Variants in LGALS12 observed in about 807,000 individuals in gnomAD.
LGALS12 encodes galectin 12.
In LGALS12, 36 loss-of-function variants were observed where a neutral mutation model predicts 36.8. That is an observed-to-expected ratio of 0.98 (90% CI 0.75 to 1.29). The LOEUF is 1.29. LGALS12 is among the 50% of genes most tolerant of loss of function. LGALS12 has a pLI of 0.00. For synonymous variants in LGALS12, 145 were observed against 155.9 expected, an observed-to-expected ratio of 0.93 and a Z score of 0.52; for missense variants, 366 against 394.3, an observed-to-expected ratio of 0.93 and a Z score of 0.61.
chr11:63,509,026 T>A (rs970042703), intron 3 of LGALS12, 35 bp downstream of exon 3: 2 of 1,546,364 alleles, frequency 1.3e-6, no homozygotes, highest in Non-Finnish European at 1.8e-6. Context: ...TGGTCTAGAA[T>A]TTGTGTCCTT....
chr11:63,515,560 C>A lies in LGALS12; in HGVS notation c.648-3C>A, dbSNP rs373219807. ...TCCTTCTCCTTCCTCCTGCTTCCTG[C>A]AGTTTTACTGTGAGCCTGAGGGACC... On this transcript the variant is annotated splice_polypyrimidine_tract_variant and splice_region_variant and intron_variant, in intron 7 of 8. Transcript: ENST00000394618. The A allele has an allele frequency of 1.2e-6, 2 of 1,613,896 alleles. No individual in the cohort carries two copies. Among genetic ancestry groups the A allele is most frequent in the South Asian group, 2.2e-5 (2 of 91,060 alleles).
At chr11:63,508,308 GA>G in intron 1 of LGALS12, 1 of 1,367,844 alleles carries the variant, frequency 7.3e-7, no homozygotes, top group South Asian at 1.5e-5. Context: ...GGCTGGTGCT[GA>G]ATTTGGCAAG....
chr11:63,511,580 T>A (rs1157291075), intron 6 of LGALS12, among the ~76,000 whole-genome samples, 172 bp from the exon 7 acceptor site: 1 of 152,168 alleles, frequency 6.6e-6, no homozygotes, highest in African/African-American at 2.4e-5. Context: ...GGGGAAAGTG[T>A]TCGGCAATAA....
rs546288968 is a variant in LGALS12 at position 63,516,562 on chromosome 11, C to T, written c.*169C>T. The T allele has an allele frequency of 1.7e-5, 13 of 755,754 alleles. No individual in the cohort carries two copies. Among genetic ancestry groups the T allele is most frequent in the Non-Finnish European group, 2.6e-5 (12 of 464,332 alleles). The allele number at this position is 755,754 out of a possible 1,614,324, so 46.8% of individuals were successfully genotyped here. On this transcript the variant is annotated 3_prime_UTR_variant, in exon 9 of 9. Coordinates refer to ENST00000394618, the MANE Select transcript of LGALS12 (RefSeq NM_033101.4). ...GGAGCTTTGGGCCTGAGGGAAGGCA[C>T]AAGAGTGCAAAGGTTCCTCGAACTC... is the stretch of plus-strand genomic sequence containing the variant.
chr11:63,508,003 T>C, intron 1 of LGALS12: 1 of 987,114 alleles, frequency 1.0e-6, no homozygotes, highest in Non-Finnish European at 1.2e-6. Context: ...CTTCCCAGAG[T>C]GCTGAGATTA....
chr11:63,514,297 C>A (rs57247740), intron 7 of LGALS12, among the ~76,000 whole-genome samples: 1 of 152,104 alleles, frequency 6.6e-6, no homozygotes, highest in Non-Finnish European at 1.5e-5. Flanking sequence ...CTGGGCCGGG[C>A]GCGGTGGCTC....
chr11:63,506,513 C>T lies in LGALS12; in HGVS notation c.55C>T (p.Pro19Ser). ...TCCTGACAGCTTCATTCTGCAACCA[C>T]CAGTCTTCCACCCGGTGAGTTGTCA... is the stretch of plus-strand genomic sequence containing the variant. Reference protein sequence around the residue: ...PIPDSFILQPPVFHPVVPYVT... With the variant: ...PIPDSFILQPSVFHPVVPYVT... The change falls in exon 1 of 9, where the codon CCA becomes TCA. Residue 19 changes from proline to serine, a missense_variant. Pro to Ser is a moderately conservative substitution (Grantham distance 74). Transcript: ENST00000394618. The T allele has an allele frequency of 6.2e-7, 1 of 1,614,228 alleles. No homozygotes were observed. Among genetic ancestry groups the T allele is most frequent in the Non-Finnish European group, 8.5e-7 (1 of 1,180,038 alleles).
chr11:63,507,284 C>A (rs1273900263), intron 1 of LGALS12, among the ~76,000 whole-genome samples: 1 of 152,112 alleles, frequency 6.6e-6, no homozygotes, highest in African/African-American at 2.4e-5. Flanking sequence ...ACCTGGAGGG[C>A]CATCCTGGTG....
intron 5 of LGALS12, among the ~76,000 whole-genome samples, 161 bp downstream of exon 5, chr11:63,510,662 C>T (rs578152449): frequency 2.2e-4 from 34 of 152,312 alleles, no homozygotes; most frequent in Non-Finnish European, 4.3e-4. Flanking sequence ...CTGGATTTTC[C>T]TCTCCCAGCC....
At position 63,506,489 on chromosome 11, in the gene LGALS12, C is replaced by T; in HGVS notation, c.31C>T (p.Pro11Ser). 3 of 1,614,222 alleles carry T rather than the reference C, an allele frequency of 1.9e-6. No individual in the cohort carries two copies. Among genetic ancestry groups the T allele is most frequent in the Non-Finnish European group, 2.5e-6 (3 of 1,180,036 alleles). ...ACCTGGAGAAAAACTGGACCCAATT[C>T]CTGACAGCTTCATTCTGCAACCACC... is the stretch of plus-strand genomic sequence containing the variant. Reference protein sequence around the residue: MSPGEKLDPIPDSFILQPPVF... With the variant: MSPGEKLDPISDSFILQPPVF... The change falls in exon 1 of 9, where the codon CCT becomes TCT. Residue 11 changes from proline (P) to serine (S), a missense_variant. Coordinates refer to ENST00000394618, the MANE Select transcript of LGALS12 (RefSeq NM_033101.4).
At position 63,508,943 on chromosome 11, in the gene LGALS12, A is replaced by C; in HGVS notation, c.324A>C (p.Arg108Ser). Residue 108 changes from arginine to serine, a missense_variant, in exon 3 of 9, where the codon AGA becomes AGC. Transcript: ENST00000394618. ...EARWPHLALR[R>S]GSSFLILFLF... ...GGTGGCCCCACCTGGCCCTGCGAAG[A>C]GGCTCCAGCTTCCTCATCCTCTTTC... 1 of 1,614,212 alleles carries C rather than the reference A, an allele frequency of 6.2e-7. No individual in the cohort carries two copies.
chr11:63,512,763 T>G, intron 7 of LGALS12, among the ~76,000 whole-genome samples: 1 of 138,256 alleles, frequency 7.2e-6, no homozygotes, highest in African/African-American at 2.9e-5. Flanking sequence ...CACTCCAGCC[T>G]GGGCAATAGA....
At chr11:63,513,476 A>G (rs1274052994) in intron 7 of LGALS12, among the ~76,000 whole-genome samples, 1 of 152,198 alleles carries the variant, frequency 6.6e-6, no homozygotes, top group Non-Finnish European at 1.5e-5. Flanking sequence ...CTATTTTTAA[A>G]GCAAAAATAG....
intron 7 of LGALS12, among the ~76,000 whole-genome samples, chr11:63,513,052 G>A (rs4963421): frequency 6.6e-6 from 1 of 152,168 alleles, no homozygotes; most frequent in Non-Finnish European, 1.5e-5. Context: ...CAGGCATGAA[G>A]CCCAGCACTC....
In LGALS12 at chr11:63,511,109, A is replaced by T; in HGVS notation, c.558+4A>T. 1 of 1,613,248 alleles carries T rather than the reference A, an allele frequency of 6.2e-7. No individual in the cohort carries two copies. The highest frequency in any genetic ancestry group is 8.5e-7 in the Non-Finnish European group (1 of 1,179,864). On this transcript the variant is annotated splice_donor_region_variant and intron_variant, in intron 6 of 8. Transcript: ENST00000394618. Reference sequence around the variant, plus strand: ...CCTGCTGATGAGCCCCAGGCTGGTGAGTGAACCTCCCTCCTGCTCTGTCAG... The same window carrying T: ...CCTGCTGATGAGCCCCAGGCTGGTGTGTGAACCTCCCTCCTGCTCTGTCAG...
intron 7 of LGALS12, 47 bp downstream of exon 7, chr11:63,511,887 G>T (rs1243794692): frequency 8.5e-7 from 1 of 1,174,054 alleles, no homozygotes. Context: ...GCCTCTCTGT[G>T]ACAGTCACAT....
chr11:63,511,189 C>T (rs1004488523), intron 6 of LGALS12, 84 bp downstream of exon 6: 4 of 1,281,084 alleles, frequency 3.1e-6, no homozygotes, highest in African/African-American at 1.4e-5. Flanking sequence ...GTAGGACATG[C>T]CCCCAGCCTC....
In LGALS12 at chr11:63,516,510, C is replaced by T. The variant is rs543945923; in HGVS notation, c.*117C>T. On this transcript the variant is annotated 3_prime_UTR_variant, in exon 9 of 9. Coordinates refer to ENST00000394618, the MANE Select transcript of LGALS12 (RefSeq NM_033101.4). ...CACCAGCACATCAGGCCTGGTTCAC[C>T]TCTGGGGTCACGAGACTGAGTCTAC... 189 of 1,236,958 alleles carry T rather than the reference C, an allele frequency of 1.5e-4. 1 individual carries two copies. In the African/African-American group the frequency reaches 2.3e-3, roughly 15 times the overall value. 76.6% of individuals were successfully genotyped at this position (1,236,958 alleles called of 1,614,324 possible).
At chr11:63,508,504 C>T in intron 1 of LGALS12, 49 bp from the exon 2 acceptor site, 1 of 1,612,830 alleles carries the variant, frequency 6.2e-7, no homozygotes, top group East Asian at 2.2e-5. Flanking sequence ...ATAGAGGTCC[C>T]TAAGCCCTTT....
Sources: allele counts gnomAD v4.1 joint callset (sites outside exome capture counted in the v4.1 genomes callset), GRCh38; gene constraint gnomAD v4.1.1; transcripts MANE v1.5; gene names NCBI Gene and HGNC (gene_info 2026-07-23, HGNC 2026-07-21).